Variants in TFDP2 observed in about 807,000 individuals in gnomAD.
TFDP2 encodes the protein transcription factor Dp-2 (E2F dimerization partner 2).
TFDP2 carries 17 observed loss-of-function variants against 59.3 expected under a neutral mutation model. The ratio of observed to expected loss-of-function variants is 0.29; its 90% CI spans 0.20 to 0.43. The LOEUF (loss-of-function observed/expected upper bound fraction) is 0.43. TFDP2 is among the 20% of genes least tolerant of loss of function. The pLI is 1.00. For missense variants in TFDP2, 391 were observed against 528.8 expected (o/e 0.74, Z 2.56); for synonymous variants, 180 against 194.7 (o/e 0.92, Z 0.63).
chr3:142,053,892 G>A (rs553414057), intron 3 of TFDP2, among the ~76,000 whole-genome samples: 5 of 152,176 alleles, frequency 3.3e-5, no homozygotes, highest in African/African-American at 7.2e-5. Context: ...GAAAAGATTC[G>A]TAATATCATT....
At chr3:141,999,559 T>G (rs1042374148) in intron 4 of TFDP2, among the ~76,000 whole-genome samples, 1 of 152,102 alleles carries the variant, frequency 6.6e-6, no homozygotes, top group Non-Finnish European at 1.5e-5. Context: ...GGCAAGTATC[T>G]CAAACTAAAA....
At chr3:142,043,974 G>A in intron 3 of TFDP2, 1 of 733,314 alleles carries the variant, frequency 1.4e-6, no homozygotes, top group Non-Finnish European at 2.5e-6. Flanking sequence ...CTATGCCACT[G>A]TGCCTGCCTT....
intron 3 of TFDP2, among the ~76,000 whole-genome samples, chr3:142,082,173 A>G (rs1353809288): frequency 6.6e-6 from 1 of 152,178 alleles, no homozygotes; most frequent in Non-Finnish European, 1.5e-5. Context: ...TGTGCATGTG[A>G]GGGATCTAAG....
intron 1 of TFDP2, among the ~76,000 whole-genome samples, chr3:142,138,142 A>AT (rs1169605392): frequency 6.6e-6 from 1 of 151,872 alleles, no homozygotes; most frequent in African/African-American, 2.4e-5. Context: ...TTTCTCCTAG[A>AT]TTTTCTAGTT....
At chr3:142,042,737 C>CTTTT (rs1162932187) in intron 3 of TFDP2, among the ~76,000 whole-genome samples, 8 of 75,162 alleles carry the variant, frequency 1.1e-4, no homozygotes, top group African/African-American at 3.6e-4. Context: ...TGCCTGGACG[C>CTTTT]TTTTTTTTTT....
chr3:142,068,787 G>A (rs2060150081), intron 3 of TFDP2, among the ~76,000 whole-genome samples: 1 of 151,878 alleles, frequency 6.6e-6, no homozygotes, highest in South Asian at 2.1e-4. Flanking sequence ...TCAAATTCCT[G>A]GACTCAATGG....
intron 8 of TFDP2, among the ~76,000 whole-genome samples, chr3:141,973,123 A>ATATATATATTT: frequency 1.7e-5 from 1 of 58,030 alleles, no homozygotes; most frequent in Non-Finnish European, 3.7e-5. Context: ...ATATATATAT[A>ATATATATATTT]TTTTTTTTTT....
intron 3 of TFDP2, among the ~76,000 whole-genome samples, chr3:142,011,382 T>G (rs1367488974): frequency 7.2e-6 from 1 of 138,798 alleles, no homozygotes; most frequent in South Asian, 2.4e-4. Context: ...TAGGTGGGAA[T>G]TGAATATTGA....
At chr3:142,079,713 T>C (rs1217340418) in intron 3 of TFDP2, among the ~76,000 whole-genome samples, 1 of 152,162 alleles carries the variant, frequency 6.6e-6, no homozygotes, top group Non-Finnish European at 1.5e-5. Context: ...GTGGAAACTT[T>C]ACAGTCCAGG....
At chr3:141,998,418 A>G (rs1321185698) in intron 4 of TFDP2, among the ~76,000 whole-genome samples, 3 of 152,118 alleles carry the variant, frequency 2.0e-5, no homozygotes, top group African/African-American at 7.2e-5. Flanking sequence ...GTTCGAGACC[A>G]GCCTGGCCAA....
intron 1 of TFDP2, among the ~76,000 whole-genome samples, chr3:142,138,334 T>C (rs889581387): frequency 9.2e-5 from 14 of 152,310 alleles, no homozygotes; most frequent in African/African-American, 2.2e-4. Flanking sequence ...CCTGGATTCA[T>C]TGATTTTTTG....
At chr3:141,970,813 A>G (rs1257500266) in intron 8 of TFDP2, among the ~76,000 whole-genome samples, 1 of 152,036 alleles carries the variant, frequency 6.6e-6, no homozygotes, top group Non-Finnish European at 1.5e-5. Context: ...TGTAATCCCA[A>G]CACTTTGGGA....
intron 4 of TFDP2, among the ~76,000 whole-genome samples, chr3:141,998,487 C>T (rs1245593617): frequency 6.6e-6 from 1 of 152,002 alleles, no homozygotes; most frequent in African/African-American, 2.4e-5. Flanking sequence ...TGTTGTGGTG[C>T]ACGCCGGTAA....
At chr3:142,093,981 C>A (rs1375405482) in intron 2 of TFDP2, 1 of 510,206 alleles carries the variant, frequency 2.0e-6, no homozygotes, top group Non-Finnish European at 3.9e-6. Context: ...ACTTGAGGGA[C>A]TACCCACAGC....
intron 10 of TFDP2, among the ~76,000 whole-genome samples, chr3:141,962,519 T>C (rs779616526): frequency 2.6e-5 from 4 of 151,954 alleles, no homozygotes; most frequent in Non-Finnish European, 5.9e-5. Context: ...CCACCAAGCC[T>C]GGCTAATTTT....
intron 8 of TFDP2, among the ~76,000 whole-genome samples, chr3:141,973,107 ATATATATATATATATATT>A (rs1003215961): frequency 8.3e-5 from 9 of 107,880 alleles, no homozygotes; most frequent in African/African-American, 3.4e-4. Flanking sequence ...ATATATATAT[ATATATATATATATATATT>A]TTTTTTTTTT....
rs995189372 is a variant in TFDP2 at position 142,121,636 on chromosome 3, C to T, written c.-92-19795G>A. On this transcript the variant is annotated intron_variant, in intron 1 of 12. Coordinates refer to ENST00000489671, the MANE Select transcript of TFDP2 (RefSeq NM_001178139.2). This position sits in a 1 kb window ranked among gnomAD's most constrained non-coding sequence, Gnocchi z 4.3. ...AGCAGGTGAGCAAAGAAGAGGTCCT[C>T]CCTTGTGCTTCCATAGGCTATACAG... 6.6e-6 allele frequency among the ~76,000 whole-genome samples: 1 copy of T among 152,080 alleles called. No individual in the cohort carries two copies. The highest frequency in any genetic ancestry group is 2.4e-5 in the African/African-American group (1 of 41,402).
rs1027690443 is a variant in TFDP2, at chr3:142,030,498, C to T, written c.83-24954G>A. ...ATGTTTATATTCATTTACATTCCCA[C>T]ATTTGGAAACAATTTTAAACTCCCC... On this transcript the variant is annotated intron_variant, in intron 3 of 12. Transcript: ENST00000489671. Among the ~76,000 whole-genome samples the T allele has an allele frequency of 5.3e-5, 8 of 152,194 alleles. 1 individual carries two copies. The highest frequency in any genetic ancestry group is 1.9e-4 in the African/African-American group (8 of 41,442).
intron 1 of TFDP2, among the ~76,000 whole-genome samples, chr3:142,139,716 G>A (rs2062866896): frequency 6.6e-6 from 1 of 152,194 alleles, no homozygotes; most frequent in African/African-American, 2.4e-5. Context: ...CTGGCTTGTA[G>A]GGTTTCTGCC....
Sources: allele counts gnomAD v4.1 joint callset (sites outside exome capture counted in the v4.1 genomes callset), GRCh38; gene constraint gnomAD v4.1.1; non-coding constraint Gnocchi (gnomAD v3.1); transcripts MANE v1.5; gene names NCBI Gene and HGNC (gene_info 2026-07-23, HGNC 2026-07-21).